The following APBB2 variants were observed in gnomAD, a reference collection of about 807,000 sequenced individuals.
APBB2 encodes the protein amyloid beta precursor protein binding family B member 2, also known as Fe65-like 1.
APBB2 carries 38 observed loss-of-function variants against 82.5 expected under a neutral mutation model. The observed-to-expected ratio is 0.46, with a 90% CI of 0.36 to 0.60. The LOEUF (loss-of-function observed/expected upper bound fraction) is 0.60, where lower values mean the gene tolerates loss of function less well. Ranked by LOEUF, APBB2 falls within the 20% of genes least tolerant of loss-of-function variation. APBB2 has a pLI of 0.00. For missense variants in APBB2, 772 were observed against 972.3 expected (o/e 0.79, Z 2.74); for synonymous variants, 341 against 368.2 (o/e 0.93, Z 0.85).
At chr4:40,950,362 A>G (rs979202772) in intron 6 of APBB2, among the ~76,000 whole-genome samples, 6 of 152,228 alleles carry the variant, frequency 3.9e-5, no homozygotes, top group African/African-American at 1.4e-4. Flanking sequence ...TAACATATTC[A>G]TATCAGCAGC....
intron 13 of APBB2, among the ~76,000 whole-genome samples, chr4:40,829,362 G>A (rs1751054825): frequency 6.6e-6 from 1 of 152,196 alleles, no homozygotes; most frequent in Non-Finnish European, 1.5e-5. Context: ...AGTGGCTGCA[G>A]AGACGGGGGT....
chr4:41,171,610 T>C (rs1421201900), intron 1 of APBB2, among the ~76,000 whole-genome samples: 1 of 152,236 alleles, frequency 6.6e-6, no homozygotes, highest in Non-Finnish European at 1.5e-5. Context: ...CTGTATCCAC[T>C]GTGACCCAGA....
At chr4:40,921,194 G>A (rs1781168939) in intron 10 of APBB2, among the ~76,000 whole-genome samples, 1 of 152,128 alleles carries the variant, frequency 6.6e-6, no homozygotes, top group Non-Finnish European at 1.5e-5. Flanking sequence ...TTTTGTATTT[G>A]TGCCCATACA....
At chr4:40,965,863 A>C (rs536753365) in intron 6 of APBB2, among the ~76,000 whole-genome samples, 1 of 152,338 alleles carries the variant, frequency 6.6e-6, no homozygotes, top group African/African-American at 2.4e-5. Context: ...AGGATACAAA[A>C]CTTGTTCTGA....
intron 10 of APBB2, among the ~76,000 whole-genome samples, chr4:40,907,374 TATA>T (rs1777226971): frequency 3.3e-4 from 11 of 33,108 alleles, no homozygotes; most frequent in East Asian, 2.0e-3. Flanking sequence ...TATATATATA[TATA>T]TATTTTTTTT....
At chr4:41,116,985 A>G (rs977623671) in intron 2 of APBB2, among the ~76,000 whole-genome samples, 2 of 151,990 alleles carry the variant, frequency 1.3e-5, no homozygotes, top group Non-Finnish European at 2.9e-5. Flanking sequence ...CTGGTGTTTT[A>G]TTCTCCCATC....
chr4:41,173,060 C>G (rs1485788338), intron 1 of APBB2, among the ~76,000 whole-genome samples: 1 of 152,162 alleles, frequency 6.6e-6, no homozygotes, highest in Non-Finnish European at 1.5e-5. Flanking sequence ...ATTACCACTA[C>G]AAGGAAATTC....
chr4:40,893,283 T>A lies in APBB2; in HGVS notation c.1383A>T (p.Thr461=). Residue 461 remains threonine (T), a synonymous_variant, in exon 11 of 18, where the codon ACA becomes ACT. Transcript: ENST00000508593. ...CACTTACCTCTCCCCAAATCCCGAC[T>A]GTGTCTCGGATGTCATTTTTGCAGT... ...LSYCKNDIRD[T]VGIWGEGKDM... 6.2e-7 allele frequency: 1 copy of A among 1,613,748 alleles called. No homozygotes were observed. Among genetic ancestry groups the A allele is most frequent in the African/African-American group, 1.3e-5 (1 of 75,036 alleles).
At chr4:41,098,982 T>C (rs538823238) in intron 3 of APBB2, among the ~76,000 whole-genome samples, 2 of 152,316 alleles carry the variant, frequency 1.3e-5, no homozygotes, top group African/African-American at 4.8e-5. Flanking sequence ...AAGATTAACA[T>C]GTGATTACAA....
chr4:40,876,824 C>G (rs1197329981), intron 12 of APBB2, among the ~76,000 whole-genome samples: 1 of 152,188 alleles, frequency 6.6e-6, no homozygotes, highest in Non-Finnish European at 1.5e-5. Flanking sequence ...CCGACTGTAT[C>G]AACAGCTGGT....
At position 40,852,162 on chromosome 4, in the gene APBB2, G is replaced by A. The variant is rs894856043; in HGVS notation, c.1530-21585C>T. Among the ~76,000 whole-genome samples the A allele has an allele frequency of 1.7e-4, 26 of 151,700 alleles. No individual in the cohort carries two copies. The East Asian group carries it at 4.8e-3, about 28-fold the overall frequency. On this transcript the variant is annotated intron_variant, in intron 12 of 17. Coordinates refer to ENST00000508593, the MANE Select transcript of APBB2 (RefSeq NM_004307.2). ...GTCGGGAGCTCAAAACCAGCCTGGC[G>A]AACATAGTGAAACCCCGTCTCTACT... is the stretch of plus-strand genomic sequence containing the variant.
chr4:40,918,514 A>AT (rs1780399117), intron 10 of APBB2, among the ~76,000 whole-genome samples: 1 of 152,204 alleles, frequency 6.6e-6, no homozygotes, highest in Admixed American at 6.5e-5. Context: ...AATGCCGTTA[A>AT]TGGCAGCAGG....
chr4:40,964,517 G>A (rs185792644), intron 6 of APBB2, among the ~76,000 whole-genome samples: 1 of 151,722 alleles, frequency 6.6e-6, no homozygotes, highest in Non-Finnish European at 1.5e-5. Context: ...TATCGAGAGT[G>A]TATGCCACAT....
chr4:40,912,584 A>G (rs1005116139), intron 10 of APBB2, among the ~76,000 whole-genome samples: 2 of 152,058 alleles, frequency 1.3e-5, no homozygotes, highest in Non-Finnish European at 2.9e-5. Flanking sequence ...CTCATAAAAA[A>G]AAAAAAAAAG....
intron 4 of APBB2, among the ~76,000 whole-genome samples, chr4:41,052,502 G>T (rs149186892): frequency 6.6e-6 from 1 of 152,100 alleles, no homozygotes; most frequent in Non-Finnish European, 1.5e-5. Context: ...CACAGCTCTC[G>T]TAGACAAGAT....
At chr4:41,045,445 C>A (rs61123075) in intron 4 of APBB2, among the ~76,000 whole-genome samples, 12,118 of 152,108 alleles carry the variant, frequency 0.08, 1,570 homozygotes, top group African/African-American at 0.28. Flanking sequence ...AGGCACCCAC[C>A]ACCAAGCCCA....
intron 5 of APBB2, among the ~76,000 whole-genome samples, chr4:41,025,824 G>T (rs749550157): frequency 7.7e-5 from 11 of 142,690 alleles, no homozygotes; most frequent in South Asian, 7.4e-4. Flanking sequence ...AAGGCTGATG[G>T]CCGGAGAATC....
chr4:41,031,214 G>T (rs1300127535), intron 5 of APBB2, among the ~76,000 whole-genome samples: 1 of 152,018 alleles, frequency 6.6e-6, no homozygotes, highest in African/African-American at 2.4e-5. Flanking sequence ...GTCAGAGCAA[G>T]ACTCTGTCTC....
chr4:40,924,751 G>C (rs1014586499), intron 10 of APBB2, among the ~76,000 whole-genome samples: 3 of 152,158 alleles, frequency 2.0e-5, no homozygotes, highest in Non-Finnish European at 4.4e-5. Context: ...CCCAGACTCT[G>C]GAACCCACTA....
Sources: allele counts gnomAD v4.1 joint callset (sites outside exome capture counted in the v4.1 genomes callset), GRCh38; gene constraint gnomAD v4.1.1; transcripts MANE v1.5; gene names NCBI Gene and HGNC (gene_info 2026-07-23, HGNC 2026-07-21).